PHF8: variants seen among roughly 807,000 people sequenced by gnomAD.
PHF8 encodes the protein PHD finger protein 8.
Under a neutral mutation model 74.4 loss-of-function variants are expected in PHF8, and 9 were observed. That is an observed-to-expected ratio of 0.12 (90% CI 0.07 to 0.21). The LOEUF is 0.21. PHF8 is among the 10% of genes least tolerant of loss of function. The pLI, the probability that PHF8 is intolerant of heterozygous loss-of-function variation, is 1.00. For synonymous variants in PHF8, 311 were observed against 316.6 expected (o/e 0.98, Z 0.19); for missense variants, 478 against 816.6 (o/e 0.59, Z 5.05).
rs782125354 is a variant in PHF8, at chrX:54,002,577, C to T, written c.1034+18G>A. On this transcript the variant is annotated intron_variant, in intron 9 of 21. Coordinates refer to ENST00000338154, the MANE Select transcript of PHF8 (RefSeq NM_015107.3). ...ACAGGAATGGCCAACATAGAATCAC[C>T]ACAGTTTCAGTACTCACTTGAGCTG... The T allele has an allele frequency of 6.5e-6, 7 of 1,078,819 alleles. No homozygotes were observed. The highest frequency in any genetic ancestry group is 7.7e-6 in the Non-Finnish European group (6 of 774,411). The allele number at this position is 1,078,819 out of a possible 1,213,427, so 88.9% of individuals were successfully genotyped here. A position where few individuals can be genotyped will look rare whatever the true frequency, so the allele number is the denominator to read the frequency against.
At chrX:53,947,263 C>T (rs147335220) in intron 19 of PHF8, among the ~76,000 whole-genome samples, 2,643 of 111,593 alleles carry the variant, frequency 0.024, 24 homozygotes, top group Non-Finnish European at 0.033. Flanking sequence ...CCACCCACCT[C>T]GGCCTCCAAA....
Position 53,938,193 on chromosome X carries a change from A to T in PHF8, c.*965T>A, listed in dbSNP as rs1557082346. The T allele has an allele frequency of 9.1e-7, 1 of 1,095,186 alleles. No homozygotes were observed. The highest frequency in any genetic ancestry group is 1.9e-5 in the African/African-American group (1 of 53,479). The allele number at this position is 1,095,186 out of a possible 1,213,427, so 90.3% of individuals were successfully genotyped here. On this transcript the variant is annotated 3_prime_UTR_variant, in exon 22 of 22. Coordinates refer to ENST00000338154, the MANE Select transcript of PHF8 (RefSeq NM_015107.3). Reference sequence around the variant, plus strand: ...TGTGGGCCGTCCCGCCACACCCTCCATAATGTCCAGGCTGTGCTCTGTGGT... The same window carrying T: ...TGTGGGCCGTCCCGCCACACCCTCCTTAATGTCCAGGCTGTGCTCTGTGGT...
chrX:54,044,960 A>G (rs2066620757), upstream of PHF8: 1 of 943,526 alleles, frequency 1.1e-6, no homozygotes, highest in Non-Finnish European at 1.5e-6. Context: ...CTGTGAAGGA[A>G]GCTCTGTGAT....
intron 18 of PHF8, among the ~76,000 whole-genome samples, chrX:53,966,552 G>A (rs1395486881): frequency 1.8e-5 from 2 of 112,267 alleles, no homozygotes; most frequent in Non-Finnish European, 3.8e-5. Context: ...TGCCCAGGCT[G>A]GAGTGCAGTG....
chrX:54,000,762 C>T (rs1363900268), intron 10 of PHF8, among the ~76,000 whole-genome samples: 1 of 112,881 alleles, frequency 8.9e-6, no homozygotes, highest in African/African-American at 3.2e-5. Flanking sequence ...ACTGGGCTAA[C>T]GCCCAGGAAC....
At position 53,943,452 on chromosome X, in the gene PHF8, A is replaced by G. The variant is rs1557084157; in HGVS notation, c.2649+682T>C. 3 of 1,056,851 alleles carry G rather than the reference A, an allele frequency of 2.8e-6. No homozygotes were observed. In the Admixed American group the frequency reaches 9.7e-5, roughly 34 times the overall value. The allele number at this position is 1,056,851 out of a possible 1,213,427, so 87.1% of individuals were successfully genotyped here. On this transcript the variant is annotated intron_variant, in intron 20 of 21. Transcript: ENST00000338154. ...TGTTGAACAGGGCTATTGGGCAGATAGATTACATTACACATTATATATGGA... is the reference window on the plus strand; with the variant it reads ...TGTTGAACAGGGCTATTGGGCAGATGGATTACATTACACATTATATATGGA...
At chrX:54,042,948 C>G in intron 1 of PHF8, 128 bp from the exon 2 acceptor site, 1 of 568,929 alleles carries the variant, frequency 1.8e-6, no homozygotes, top group Non-Finnish European at 2.6e-6. Flanking sequence ...CTGTAGGGGG[C>G]AACCAGAGAA....
chrX:53,970,430 C>A (rs782700137), intron 18 of PHF8, among the ~76,000 whole-genome samples: 2 of 111,784 alleles, frequency 1.8e-5, no homozygotes, highest in Admixed American at 9.6e-5. Context: ...TATGAAGCAA[C>A]CATATAAACA....
At chrX:53,990,995 G>C (rs1484547419) in intron 14 of PHF8, among the ~76,000 whole-genome samples, 6 of 111,442 alleles carry the variant, frequency 5.4e-5, no homozygotes, top group African/African-American at 2.0e-4. Context: ...AGGCCCTGTG[G>C]TTAACGTTCT....
chrX:53,943,601 G>C (rs989260203), intron 20 of PHF8, among the ~76,000 whole-genome samples: 3 of 111,889 alleles, frequency 2.7e-5, no homozygotes, highest in Non-Finnish European at 3.8e-5. Flanking sequence ...AGCACATTAC[G>C]CACATTAAAG....
At chrX:53,980,540 T>G (rs1471813995) in intron 18 of PHF8, among the ~76,000 whole-genome samples, 2 of 111,885 alleles carry the variant, frequency 1.8e-5, no homozygotes, top group Admixed American at 9.5e-5. Flanking sequence ...TTCTGTTGTT[T>G]AAGCCACCCA....
intron 16 of PHF8, 71 bp downstream of exon 16, chrX:53,987,007 T>G (rs1241101344): frequency 1.6e-6 from 1 of 642,201 alleles, no homozygotes; most frequent in Non-Finnish European, 2.6e-6. Context: ...ATCCCCCAAC[T>G]AGAATGACAA....
intron 19 of PHF8, among the ~76,000 whole-genome samples, chrX:53,950,446 A>G (rs904874195): frequency 1.8e-5 from 2 of 112,947 alleles, no homozygotes; most frequent in Admixed American, 9.4e-5. Flanking sequence ...TCTGCAAATT[A>G]TAAGACCACA....
chrX:54,035,176 G>A (rs1557113703), intron 2 of PHF8, among the ~76,000 whole-genome samples: 12 of 108,705 alleles, frequency 1.1e-4, no homozygotes. Context: ...GGTCAACATA[G>A]TGAAAACTCG....
rs1232894355 is a variant in PHF8, at chrX:54,016,790, T to A, written c.455-54A>T. 47 of 1,007,232 alleles carry A rather than the reference T, an allele frequency of 4.7e-5. No individual in the cohort carries two copies. The Admixed American group carries it at 9.6e-4, about 20-fold the overall frequency. 83.0% of individuals were successfully genotyped at this position (1,007,232 alleles called of 1,213,427 possible). A position where few individuals can be genotyped will look rare whatever the true frequency, so the allele number is the denominator to read the frequency against. On this transcript the variant is annotated intron_variant, in intron 5 of 21. Transcript: ENST00000338154. ...AGTAGTCTCAGGGACTGTGGAAGAC[T>A]CTCTTGTCCCCTCATCAGTCCCTAG...
intron 19 of PHF8, among the ~76,000 whole-genome samples, chrX:53,950,273 C>T (rs1417881117): frequency 9.0e-6 from 1 of 111,701 alleles, no homozygotes; most frequent in African/African-American, 3.3e-5. Flanking sequence ...GCCTCTCCCT[C>T]CCTGATGGGT....
At chrX:53,989,999 G>A (rs782329880) in intron 14 of PHF8, among the ~76,000 whole-genome samples, 6 of 111,582 alleles carry the variant, frequency 5.4e-5, no homozygotes, top group African/African-American at 1.9e-4. Context: ...CTCAATAAAT[G>A]ACAGCTATGT....
At position 53,944,149 on chromosome X, in the gene PHF8, T is replaced by C; in HGVS notation, c.2634A>G (p.Ala878=). The C allele has an allele frequency of 1.7e-6, 2 of 1,196,153 alleles. No individual in the cohort carries two copies. Among genetic ancestry groups the C allele is most frequent in the East Asian group, 3.0e-5 (1 of 33,792 alleles). Residue 878 remains alanine, a synonymous_variant, in exon 20 of 22, where the codon GCA becomes GCG. Coordinates refer to ENST00000338154, the MANE Select transcript of PHF8 (RefSeq NM_015107.3). ...CAGCACCTACCTGCTGGGCCAGCTT[T>C]GCAGCTGCTGCAGCCAAACCTGTCT... ...SIETGLAAAA[A]KLAQQELQKA... is the part of the protein sequence containing the mutation.
chrX:54,046,531 C>T (rs73634943), upstream of PHF8, among the ~76,000 whole-genome samples: 1,920 of 106,851 alleles, frequency 0.018, 33 homozygotes, highest in African/African-American at 0.062. Flanking sequence ...TGCAGTGATC[C>T]GAGACTGTGT....
Sources: gnomAD v4.1 joint callset for allele counts (sites outside exome capture counted in the v4.1 genomes callset) on GRCh38, gnomAD v4.1.1 for gene constraint, MANE v1.5 for transcripts, NCBI Gene and HGNC (gene_info 2026-07-23, HGNC 2026-07-21) for gene names.